FBXW11: variants seen among roughly 807,000 people sequenced by gnomAD.
FBXW11 encodes F-box/WD repeat-containing protein 11.
Under a neutral mutation model 77.6 loss-of-function variants are expected in FBXW11, and 19 were observed. The ratio of observed to expected loss-of-function variants is 0.24; its 90% CI spans 0.17 to 0.36. The LOEUF (loss-of-function observed/expected upper bound fraction) is 0.36, where lower values mean the gene tolerates loss of function less well. FBXW11 is among the 10% of genes least tolerant of loss of function. The pLI is 1.00. For synonymous variants in FBXW11, 235 were observed against 249.4 expected (o/e 0.94, Z 0.54); for missense variants, 334 against 704.2 (o/e 0.47, Z 5.95).
chr5:171,965,674 T>C (rs1047340517), intron 1 of FBXW11, among the ~76,000 whole-genome samples: 1 of 152,228 alleles, frequency 6.6e-6, no homozygotes, highest in African/African-American at 2.4e-5. Context: ...TTTTCTCCAA[T>C]GACCACCTAG....
chr5:171,864,718 T>G (rs535139860), intron 13 of FBXW11, among the ~76,000 whole-genome samples: 1 of 152,322 alleles, frequency 6.6e-6, no homozygotes, highest in South Asian at 2.1e-4. Context: ...TGACTATGGC[T>G]TTGAGTCTGA....
chr5:171,888,725 G>A (rs181166472), intron 7 of FBXW11, among the ~76,000 whole-genome samples: 4 of 152,332 alleles, frequency 2.6e-5, no homozygotes, highest in Admixed American at 6.5e-5. Flanking sequence ...ATCAACAGAT[G>A]TCAAGCTGGA....
At chr5:172,001,185 A>C (rs1766390814) in intron 1 of FBXW11, among the ~76,000 whole-genome samples, 1 of 152,256 alleles carries the variant, frequency 6.6e-6, no homozygotes, top group African/African-American at 2.4e-5. Flanking sequence ...TGCATGAAAG[A>C]AAGAAAATCT....
chr5:171,919,982 C>A (rs1174962067), intron 2 of FBXW11, among the ~76,000 whole-genome samples: 1 of 151,918 alleles, frequency 6.6e-6, no homozygotes, highest in East Asian at 1.9e-4. Flanking sequence ...ATGGTGAAAC[C>A]CCATCTCTAC....
intron 1 of FBXW11, among the ~76,000 whole-genome samples, chr5:171,960,982 T>A (rs1167106938): frequency 6.6e-6 from 1 of 152,218 alleles, no homozygotes; most frequent in Admixed American, 6.5e-5. Context: ...TACTGTAAGA[T>A]ATAAAGAATG....
At chr5:171,962,321 C>G (rs1012508432) in intron 1 of FBXW11, among the ~76,000 whole-genome samples, 1 of 152,116 alleles carries the variant, frequency 6.6e-6, no homozygotes, top group African/African-American at 2.4e-5. Context: ...TAACAGAAGA[C>G]TTTGGAGGGT....
At position 171,872,908 on chromosome 5, in the gene FBXW11, C is replaced by T. The variant is rs1330013987; in HGVS notation, c.1304G>A (p.Arg435His). ...RGIACLQYRD[R>H]LVVSGSSDNT... ...ATCTGATGATCCACTAACAACCAGG[C>T]GATCCCTGTACTGGAGACAGGCAAT... Residue 435 changes from arginine (R) to histidine (H), a missense_variant, in exon 10 of 14, where the codon CGC becomes CAC. Physicochemically the swap from Arg to His is conservative, Grantham distance 29. Transcript: ENST00000517395. 1 of 1,614,118 alleles carries T rather than the reference C, an allele frequency of 6.2e-7. No homozygotes were observed. The highest frequency in any genetic ancestry group is 1.1e-5 in the South Asian group (1 of 91,078).
chr5:171,868,467 C>T, intron 13 of FBXW11, 143 bp downstream of exon 13: 1 of 587,492 alleles, frequency 1.7e-6, no homozygotes, highest in South Asian at 2.7e-5. Flanking sequence ...AAAGATCCAG[C>T]CTTACACTTG....
intron 2 of FBXW11, among the ~76,000 whole-genome samples, chr5:171,926,963 C>T (rs1305739896): frequency 6.6e-6 from 1 of 152,038 alleles, no homozygotes; most frequent in Non-Finnish European, 1.5e-5. Flanking sequence ...ACTCTATCAA[C>T]TAGATATTCT....
At chr5:172,005,381 C>T (rs1015133556) in intron 1 of FBXW11, among the ~76,000 whole-genome samples, 1 of 152,228 alleles carries the variant, frequency 6.6e-6, no homozygotes, top group East Asian at 1.9e-4. Context: ...CTCTTCCCAG[C>T]TCTCCAGAGC....
intron 1 of FBXW11, among the ~76,000 whole-genome samples, chr5:171,979,581 A>G (rs1010702160): frequency 4.3e-4 from 66 of 152,158 alleles, no homozygotes; most frequent in African/African-American, 1.5e-3. Context: ...ATTTTTTAAT[A>G]TATGTGTAAA....
rs1409014314 is a variant in FBXW11 at position 171,914,346 on chromosome 5, C to T, written c.207G>A (p.Trp69Ter). ...EDESPKKNTL[W>*]QISNGTSSVI... ...ATCTGTGCGCCGTCATTCCTACCTG[C>T]CAAAGAGTATTTTTCTTTGGGGACT... The change falls in exon 3 of 14, where the codon TGG (tryptophan) becomes TGA (stop). Residue 69 changes from tryptophan (W) to a stop codon, truncating the protein, a stop_gained. Transcript: ENST00000517395. LOFTEE classifies it high-confidence loss of function. 2 of 1,603,714 alleles carry T rather than the reference C, an allele frequency of 1.2e-6. No homozygotes were observed. The highest frequency in any genetic ancestry group is 1.7e-6 in the Non-Finnish European group (2 of 1,175,446).
At chr5:171,925,809 G>A (rs1056946684) in intron 2 of FBXW11, among the ~76,000 whole-genome samples, 3 of 152,168 alleles carry the variant, frequency 2.0e-5, no homozygotes, top group African/African-American at 7.2e-5. Flanking sequence ...TTACAAAGTA[G>A]ATTTTTAAAA....
Position 171,951,207 on chromosome 5 carries a change from CA to C in FBXW11, c.147+6389del, listed in dbSNP as rs34461043. ...ATAATACAACCCCCGCCACAAAAGA[CA>C]AAAAAAAAATTGTAGTCTAAAGGCC... On this transcript the variant is annotated intron_variant, in intron 2 of 13. Transcript: ENST00000517395. Among the ~76,000 whole-genome samples the C allele has an allele frequency of 1.9e-3, 287 of 149,436 alleles. 1 individual carries two copies. The highest frequency in any genetic ancestry group is 6.2e-3 in the African/African-American group (254 of 40,658).
rs371553236 is a variant in FBXW11 at position 171,876,586 on chromosome 5, T to G, written c.972-52A>C. Reference sequence around the variant, plus strand: ...CTTAATTATGGAGACAGCCAGGAAATGATTCTGGTATCTGAGCTCTGTCTG... The same window carrying G: ...CTTAATTATGGAGACAGCCAGGAAAGGATTCTGGTATCTGAGCTCTGTCTG... On this transcript the variant is annotated intron_variant, in intron 8 of 13. Transcript: ENST00000517395. The surrounding 1 kb of genome is among the most constrained non-coding windows in gnomAD (Gnocchi z 4.2). The G allele has an allele frequency of 2.5e-6, 4 of 1,595,146 alleles. No homozygotes were observed. Among genetic ancestry groups the G allele is most frequent in the Admixed American group, 1.7e-5 (1 of 59,506 alleles).
At chr5:171,898,691 CG>C (rs1561662053) in intron 6 of FBXW11, among the ~76,000 whole-genome samples, 1 of 152,004 alleles carries the variant, frequency 6.6e-6, no homozygotes, top group Non-Finnish European at 1.5e-5. Flanking sequence ...CTTAAAAAAA[CG>C]GGGCCTTGGA....
At chr5:171,999,398 A>T (rs1449763005) in intron 1 of FBXW11, among the ~76,000 whole-genome samples, 2 of 139,294 alleles carry the variant, frequency 1.4e-5, no homozygotes, top group East Asian at 1.9e-4. Context: ...TCAAAAAAAA[A>T]AAATATATAT....
At position 171,876,605 on chromosome 5, in the gene FBXW11, C is replaced by G. The variant is rs774153847; in HGVS notation, c.972-71G>C. ...AGGAAATGATTCTGGTATCTGAGCT[C>G]TGTCTGGGTCTGCAATGGTTTGGAT... On this transcript the variant is annotated intron_variant, in intron 8 of 13. Transcript: ENST00000517395. This position sits in a 1 kb window ranked among gnomAD's most constrained non-coding sequence, Gnocchi z 4.2. 4.0e-5 allele frequency: 62 copies of G among 1,557,508 alleles called. No individual in the cohort carries two copies. Among genetic ancestry groups the G allele is most frequent in the Non-Finnish European group, 5.3e-5 (60 of 1,141,502 alleles).
chr5:171,872,694 A>G (rs113461601), intron 10 of FBXW11, among the ~76,000 whole-genome samples, 178 bp downstream of exon 10: 83 of 152,334 alleles, frequency 5.4e-4, no homozygotes, highest in African/African-American at 1.9e-3. Flanking sequence ...CACCCAGGGC[A>G]CACACGGTTT....
Sources: allele counts gnomAD v4.1 joint callset (sites outside exome capture counted in the v4.1 genomes callset), GRCh38; gene constraint gnomAD v4.1.1; non-coding constraint Gnocchi (gnomAD v3.1); transcripts MANE v1.5; gene names NCBI Gene and HGNC (gene_info 2026-07-23, HGNC 2026-07-21).